NCEH1: variants seen among roughly 807,000 people sequenced by gnomAD.
NCEH1 encodes the protein 2-acetyl MAGE hydrolase.
A neutral mutation model predicts 25.4 loss-of-function variants in NCEH1; 9 were observed. That is an observed-to-expected ratio of 0.35 (90% confidence interval 0.21 to 0.62). The LOEUF (loss-of-function observed/expected upper bound fraction) is 0.62, where lower values mean the gene tolerates loss of function less well. Ranked by LOEUF, NCEH1 falls within the 20% of genes least tolerant of loss-of-function variation. The pLI, the probability that NCEH1 is intolerant of heterozygous loss-of-function variation, is 0.72. For missense variants in NCEH1, 412 were observed against 501.1 expected (o/e 0.82, Z 1.70); for synonymous variants, 200 against 199.8 (o/e 1.00, Z -0.01).
At chr3:172,685,693 CTTATT>C (rs1015773251) in intron 1 of NCEH1, among the ~76,000 whole-genome samples, 1 of 152,038 alleles carries the variant, frequency 6.6e-6, no homozygotes, top group Non-Finnish European at 1.5e-5. Flanking sequence ...TAACTTTATA[CTTATT>C]TTGTTTTGAT....
chr3:172,655,496 T>C (rs1717649199), intron 1 of NCEH1, among the ~76,000 whole-genome samples: 1 of 152,136 alleles, frequency 6.6e-6, no homozygotes, highest in African/African-American at 2.4e-5. Flanking sequence ...CTTTGATACA[T>C]GATCAGAAGG....
chr3:172,673,346 C>G (rs184578467), intron 1 of NCEH1, among the ~76,000 whole-genome samples: 1,737 of 152,254 alleles, frequency 0.011, 23 homozygotes, highest in African/African-American at 0.039. Flanking sequence ...GAGCTCTTAG[C>G]CGGCAAACAG....
chr3:172,650,012 G>C (rs1477753106), intron 1 of NCEH1, among the ~76,000 whole-genome samples: 1 of 152,218 alleles, frequency 6.6e-6, no homozygotes, highest in Admixed American at 6.5e-5. Flanking sequence ...CATTTTATAA[G>C]AGAGCCCACC....
rs1375767826 is a variant in NCEH1, at chr3:172,689,033, AG to A, written c.138+21813del. 2.6e-5 allele frequency among the ~76,000 whole-genome samples: 4 copies of A among 152,298 alleles called. No homozygotes were observed. In the East Asian group the frequency reaches 7.7e-4, roughly 29 times the overall value. On this transcript the variant is annotated intron_variant, in intron 1 of 4. Coordinates refer to ENST00000475381, the MANE Select transcript of NCEH1 (RefSeq NM_020792.6). ...ACTAAACTTTTGTTTTGTTCTAAAC[AG>A]CAGAACTGTTTTCAGAGACTTTGGT...
At chr3:172,672,180 G>A (rs1711673442) in intron 1 of NCEH1, among the ~76,000 whole-genome samples, 1 of 152,126 alleles carries the variant, frequency 6.6e-6, no homozygotes, top group African/African-American at 2.4e-5. Flanking sequence ...TGCCTACAGT[G>A]CTGAGTACCA....
At chr3:172,639,191 G>A (rs1009159248) in intron 3 of NCEH1, among the ~76,000 whole-genome samples, 1 of 151,732 alleles carries the variant, frequency 6.6e-6, no homozygotes, top group Non-Finnish European at 1.5e-5. Flanking sequence ...CCAGCTACTC[G>A]GGAGGCTGAG....
chr3:172,647,245 C>T lies in NCEH1; in HGVS notation c.367+641G>A, dbSNP rs76781021. Among the ~76,000 whole-genome samples the T allele has an allele frequency of 7.3e-3, 1,109 of 152,284 alleles. 20 individuals carry two copies. The highest frequency in any genetic ancestry group is 0.065 in the East Asian group (339 of 5,184). On this transcript the variant is annotated intron_variant, in intron 2 of 4. Coordinates refer to ENST00000475381, the MANE Select transcript of NCEH1 (RefSeq NM_020792.6). The stretch of plus-strand genomic sequence containing the variant: ...TCATTTATTAGCAGAGACAAGACCC[C>T]GAATTCCGCCTTGGGAGGTTCTCTT...
chr3:172,689,803 A>G (rs1712927124), intron 1 of NCEH1, among the ~76,000 whole-genome samples: 1 of 151,644 alleles, frequency 6.6e-6, no homozygotes, highest in African/African-American at 2.4e-5. Flanking sequence ...AAAATAGACC[A>G]TTTTATAATC....
chr3:172,653,744 G>GTTTTTTTTTTTTTT (rs796835886), intron 1 of NCEH1, among the ~76,000 whole-genome samples: 1 of 95,648 alleles, frequency 1.0e-5, no homozygotes, highest in African/African-American at 4.2e-5. Flanking sequence ...TGTTTTTTTT[G>GTTTTTTTTTTTTTT]TTTTTTTGTT....
At chr3:172,710,507 G>A (rs1342671069) in intron 1 of NCEH1, among the ~76,000 whole-genome samples, 1 of 152,230 alleles carries the variant, frequency 6.6e-6, no homozygotes, top group Non-Finnish European at 1.5e-5. Context: ...GTGTGAAGAA[G>A]GGTGGTTTAT....
At chr3:172,682,831 A>G (rs1174411062) in intron 1 of NCEH1, among the ~76,000 whole-genome samples, 1 of 152,236 alleles carries the variant, frequency 6.6e-6, no homozygotes, top group Non-Finnish European at 1.5e-5. Flanking sequence ...AAGCAGGTGC[A>G]TCCCATGTTG....
rs758112242 is a variant in NCEH1 at position 172,633,455 on chromosome 3, C to T, written c.*20G>A. 20 of 1,602,154 alleles carry T rather than the reference C, an allele frequency of 1.2e-5. No individual in the cohort carries two copies. In the Admixed American group the frequency reaches 3.2e-4, roughly 26 times the overall value. ...GTAGGAGGTCAAGAGGGGCTCGAGG[C>T]TTCTGGAAGTTTTGCTCCTTTACAG... On this transcript the variant is annotated 3_prime_UTR_variant, in exon 5 of 5. Transcript: ENST00000475381.
chr3:172,660,291 C>T (rs1239893861), intron 1 of NCEH1, among the ~76,000 whole-genome samples: 1 of 152,174 alleles, frequency 6.6e-6, no homozygotes, highest in Admixed American at 6.6e-5. Flanking sequence ...CATGTCCCTA[C>T]AAAGGACATG....
intron 1 of NCEH1, among the ~76,000 whole-genome samples, chr3:172,697,837 T>C (rs1179208100): frequency 1.3e-5 from 2 of 152,224 alleles, no homozygotes; most frequent in Non-Finnish European, 2.9e-5. Context: ...TCTATTTCCT[T>C]TCCTATAAAA....
chr3:172,655,204 T>G (rs1717632189), intron 1 of NCEH1, among the ~76,000 whole-genome samples: 1 of 152,142 alleles, frequency 6.6e-6, no homozygotes, highest in South Asian at 2.1e-4. Context: ...GAGCTGCAAA[T>G]TACCCTGTCT....
intron 1 of NCEH1, among the ~76,000 whole-genome samples, chr3:172,653,738 T>TTTGTTTTTG (rs1195359547): frequency 7.6e-5 from 5 of 65,442 alleles, no homozygotes; most frequent in East Asian, 2.8e-3. Context: ...TTGTTCTGTT[T>TTTGTTTTTG]TTTTTGTTTT....
intron 1 of NCEH1, among the ~76,000 whole-genome samples, chr3:172,700,377 C>G (rs1194616686): frequency 1.3e-5 from 2 of 151,958 alleles, no homozygotes; most frequent in African/African-American, 2.4e-5. Flanking sequence ...AAAAAAAAAT[C>G]AGGACAAAAA....
At chr3:172,700,733 T>C (rs143893406) in intron 1 of NCEH1, among the ~76,000 whole-genome samples, 112 of 152,236 alleles carry the variant, frequency 7.4e-4, no homozygotes, top group African/African-American at 2.5e-3. Context: ...AGGGGTCTCC[T>C]GCCTTGGGAT....
chr3:172,637,223 T>A (rs1344473817), intron 3 of NCEH1, among the ~76,000 whole-genome samples: 1 of 152,184 alleles, frequency 6.6e-6, no homozygotes, highest in Admixed American at 6.5e-5. Flanking sequence ...AGTATTAACA[T>A]ACCTTCATTT....
Sources: gnomAD v4.1 joint callset for allele counts (sites outside exome capture counted in the v4.1 genomes callset) on GRCh38, gnomAD v4.1.1 for gene constraint, MANE v1.5 for transcripts, NCBI Gene and HGNC (gene_info 2026-07-23, HGNC 2026-07-21) for gene names.